The following CUX1 variants were observed in gnomAD, a reference collection of about 807,000 sequenced individuals.
CUX1 encodes cut like homeobox 1.
A neutral mutation model predicts 158.8 loss-of-function variants in CUX1; 31 were observed. The observed-to-expected ratio is 0.20, with a 90% CI of 0.15 to 0.26. The LOEUF (loss-of-function observed/expected upper bound fraction) is 0.26, where lower values mean the gene tolerates loss of function less well. Ranked by LOEUF, CUX1 falls within the 10% of genes least tolerant of loss-of-function variation. The pLI is 1.00. For synonymous variants in CUX1, 879 were observed against 862.1 expected, an observed-to-expected ratio of 1.02 and a Z score of -0.34; for missense variants, 1,589 against 2,014.6, an observed-to-expected ratio of 0.79 and a Z score of 4.04.
At chr7:102,112,549 A>G (rs1222013136) in intron 7 of CUX1, among the ~76,000 whole-genome samples, 1 of 140,772 alleles carries the variant, frequency 7.1e-6, no homozygotes, top group Non-Finnish European at 1.5e-5. Context: ...CCCTCTCTCT[A>G]TTTCTTTTTT....
chr7:102,204,360 C>T lies in CUX1; in HGVS notation c.2908-31C>T, dbSNP rs1394082911. On this transcript the variant is annotated intron_variant, in intron 18 of 23. Transcript: ENST00000292535. ...GTGGTGTCATGCTAATAGCCAGGCA[C>T]TGATGGCCTGTGTGTTCGGTGCCAC... 3.1e-6 allele frequency: 5 copies of T among 1,610,810 alleles called. No individual in the cohort carries two copies. In the African/African-American group the frequency reaches 5.3e-5, roughly 17 times the overall value.
chr7:101,865,613 T>A (rs981176892), intron 1 of CUX1, among the ~76,000 whole-genome samples: 3 of 152,244 alleles, frequency 2.0e-5, no homozygotes, highest in African/African-American at 7.2e-5. Flanking sequence ...GCAGCCAGCG[T>A]CCGAGCGTTT....
At chr7:102,180,714 G>C (rs1036582050) in intron 11 of CUX1, among the ~76,000 whole-genome samples, 20 of 148,716 alleles carry the variant, frequency 1.3e-4, no homozygotes, top group African/African-American at 5.0e-4. Context: ...GCAATCTATT[G>C]CCTATGCTGA....
chr7:101,911,841 C>G (rs1308884316), intron 1 of CUX1, among the ~76,000 whole-genome samples: 3 of 152,220 alleles, frequency 2.0e-5, no homozygotes, highest in Non-Finnish European at 4.4e-5. Flanking sequence ...AAGGGGCCGG[C>G]TGGGTGGGAC....
Position 102,166,431 on chromosome 7 carries a change from A to G in CUX1, c.724-4015A>G, listed in dbSNP as rs561909453. On this transcript the variant is annotated intron_variant, in intron 9 of 23. Coordinates refer to ENST00000292535, the MANE Select transcript of CUX1 (RefSeq NM_181552.4). Reference sequence around the variant, plus strand: ...CTGCAGGGACACAGGAGGAGACGGGAGTCCGGCGGTGACCACAGGGAAGTG... The same window carrying G: ...CTGCAGGGACACAGGAGGAGACGGGGGTCCGGCGGTGACCACAGGGAAGTG... 3.2e-3 allele frequency among the ~76,000 whole-genome samples: 488 copies of G among 152,286 alleles called. 6 individuals carry two copies. Among genetic ancestry groups the G allele is most frequent in the African/African-American group, 0.011 (474 of 41,556 alleles).
intron 1 of CUX1, among the ~76,000 whole-genome samples, chr7:101,848,077 AAAAG>A (rs1295385111): frequency 7.1e-6 from 1 of 141,712 alleles, no homozygotes; most frequent in Non-Finnish European, 1.6e-5. Flanking sequence ...AAAAAAAAAG[AAAAG>A]AAAAAATAAA....
At chr7:102,037,772 T>TGGCC (rs929548596) in intron 3 of CUX1, among the ~76,000 whole-genome samples, 14 of 151,570 alleles carry the variant, frequency 9.2e-5, no homozygotes, top group African/African-American at 3.4e-4. Context: ...AGTGGAAACA[T>TGGCC]GGCCGGGTGT....
At chr7:102,022,131 G>A (rs945360057) in intron 2 of CUX1, among the ~76,000 whole-genome samples, 2 of 152,122 alleles carry the variant, frequency 1.3e-5, no homozygotes, top group African/African-American at 4.8e-5. Flanking sequence ...GGGCTCGGGA[G>A]TGTGTGTGTT....
At chr7:101,953,060 C>T (rs1327597894) in intron 2 of CUX1, among the ~76,000 whole-genome samples, 4 of 152,150 alleles carry the variant, frequency 2.6e-5, no homozygotes, top group South Asian at 2.1e-4. Flanking sequence ...CCGCCCTGCC[C>T]GCTCCTCACG....
At chr7:102,126,440 T>C (rs1350425135) in intron 8 of CUX1, among the ~76,000 whole-genome samples, 12 of 152,162 alleles carry the variant, frequency 7.9e-5, no homozygotes, top group Admixed American at 6.6e-4. Context: ...TCACTCATAA[T>C]CCCACAGCAA....
chr7:102,028,288 T>G, intron 3 of CUX1, 143 bp downstream of exon 3: 1 of 780,498 alleles, frequency 1.3e-6, no homozygotes, highest in South Asian at 1.8e-5. Context: ...TCATGCAGAT[T>G]TTGCGCTCTG....
intron 2 of CUX1, among the ~76,000 whole-genome samples, chr7:101,927,343 A>G (rs1418724547): frequency 6.6e-6 from 1 of 152,080 alleles, no homozygotes; most frequent in East Asian, 1.9e-4. Flanking sequence ...AAGACCAGGG[A>G]TGCTATTTAA....
At chr7:101,888,306 G>T (rs961829203) in intron 1 of CUX1, among the ~76,000 whole-genome samples, 1 of 152,080 alleles carries the variant, frequency 6.6e-6, no homozygotes, top group Non-Finnish European at 1.5e-5. Flanking sequence ...ACTCCAGCCT[G>T]GGTGACAGAG....
intron 3 of CUX1, among the ~76,000 whole-genome samples, chr7:102,041,732 A>C (rs1363297217): frequency 8.0e-6 from 1 of 125,414 alleles, no homozygotes; most frequent in Non-Finnish European, 1.6e-5. Context: ...GCAGTGGATG[A>C]TCTCGGCTCA....
At chr7:102,089,052 G>C (rs1174934176) in intron 4 of CUX1, among the ~76,000 whole-genome samples, 1 of 151,818 alleles carries the variant, frequency 6.6e-6, no homozygotes, top group Non-Finnish European at 1.5e-5. Flanking sequence ...GTGTATTTCT[G>C]TTTGGTTTGT....
At chr7:102,275,401 G>A in intron 17 of CUX1, 1 of 1,487,648 alleles carries the variant, frequency 6.7e-7, no homozygotes, top group Non-Finnish European at 9.3e-7. Flanking sequence ...TTGGGCCCAA[G>A]GACACAGTTG....
rs933940776 is a variant in CUX1, at chr7:101,955,112, C to A, written c.141+38887C>A. Among the ~76,000 whole-genome samples, 8 of 151,534 alleles carry A rather than the reference C, an allele frequency of 5.3e-5. No individual in the cohort carries two copies. In the South Asian group the frequency reaches 6.2e-4, roughly 12 times the overall value. ...CCCTGGTGGCGGAGGTTGCAGTGAG[C>A]TGAGATCATGCCACTGCACTCCAGC... On this transcript the variant is annotated intron_variant, in intron 2 of 23. Transcript: ENST00000292535.
chr7:101,940,723 T>C (rs1012939804), intron 2 of CUX1, among the ~76,000 whole-genome samples: 11 of 152,172 alleles, frequency 7.2e-5, no homozygotes, highest in African/African-American at 2.2e-4. Context: ...AGATCCTTGG[T>C]TGGGCACGTT....
At chr7:102,235,992 C>T (rs1443114821) in intron 22 of CUX1, among the ~76,000 whole-genome samples, 1 of 152,130 alleles carries the variant, frequency 6.6e-6, no homozygotes, top group African/African-American at 2.4e-5. Context: ...CTTCTATTTT[C>T]TGAGAACTGC....
Sources: gnomAD v4.1 joint callset for allele counts (sites outside exome capture counted in the v4.1 genomes callset) on GRCh38, gnomAD v4.1.1 for gene constraint, MANE v1.5 for transcripts, NCBI Gene and HGNC (gene_info 2026-07-23, HGNC 2026-07-21) for gene names.